The following HMCN1 variants were observed in gnomAD, a reference collection of about 807,000 sequenced individuals.
The protein encoded by HMCN1 is hemicentin 1, also known as hemicentin-1.
A neutral mutation model predicts 625.9 loss-of-function variants in HMCN1; 321 were observed. The ratio of observed to expected loss-of-function variants is 0.51; its 90% CI spans 0.47 to 0.56. The LOEUF (loss-of-function observed/expected upper bound fraction) is 0.56, where lower values mean the gene tolerates loss of function less well. HMCN1 is among the 20% of genes least tolerant of loss of function. The pLI, the probability that HMCN1 is intolerant of heterozygous loss-of-function variation, is 0.00. For synonymous variants in HMCN1, 2,425 were observed against 2,417.6 expected (o/e 1.00, Z -0.09); for missense variants, 6,588 against 6,887.3 (o/e 0.96, Z 1.54).
chr1:186,138,080 T>C (rs1156397148), intron 89 of HMCN1, 108 bp downstream of exon 89: 3 of 1,168,912 alleles, frequency 2.6e-6, no homozygotes, highest in Non-Finnish European at 3.8e-6. Context: ...TGTTATGGCC[T>C]CTACCCTTGA....
chr1:186,039,724 T>TC lies in HMCN1; in HGVS notation c.6029-3dup, dbSNP rs1656082647. 5 of 1,613,340 alleles carry TC rather than the reference T, an allele frequency of 3.1e-6. No individual in the cohort carries two copies. In the African/African-American group the frequency reaches 5.3e-5, roughly 17 times the overall value. ...CGTGTCTTACTTTCATTTGTTTTTT[T>TC]CAGTGGCCCCATCAATTTCTGGCAG... is the stretch of plus-strand genomic sequence containing the variant. On this transcript the variant is annotated splice_region_variant and splice_polypyrimidine_tract_variant and intron_variant, in intron 38 of 106. Transcript: ENST00000271588.
Position 185,734,820 on chromosome 1 carries a change from CTCT to C in HMCN1, c.46_48del (p.Leu16del), listed in dbSNP as rs1315681536. The C allele has an allele frequency of 6.2e-7, 1 of 1,614,024 alleles. No individual in the cohort carries two copies. Among genetic ancestry groups the C allele is most frequent in the Non-Finnish European group, 8.5e-7 (1 of 1,179,908 alleles). ...GTTGTCCATACAGTATTCCTGTTTG[CTCT>C]TCTTTATTCTTCCCTAGCTCAAGAT... On this transcript the variant is annotated inframe_deletion, in exon 1 of 107. Coordinates refer to ENST00000271588, the MANE Select transcript of HMCN1 (RefSeq NM_031935.3).
At chr1:186,182,619 GAGA>G (rs1233396730) in intron 105 of HMCN1, among the ~76,000 whole-genome samples, 3 of 152,174 alleles carry the variant, frequency 2.0e-5, no homozygotes, top group Admixed American at 6.5e-5. Context: ...AGTGAAAAAT[GAGA>G]AGGTTACTCA....
intron 9 of HMCN1, 112 bp downstream of exon 9, chr1:185,925,303 G>A: frequency 2.8e-6 from 3 of 1,054,562 alleles, no homozygotes; most frequent in East Asian, 5.0e-5. Flanking sequence ...TACATAGTCT[G>A]GAATATAGCA....
chr1:185,792,678 T>C (rs1021010784), intron 1 of HMCN1, among the ~76,000 whole-genome samples: 1 of 152,208 alleles, frequency 6.6e-6, no homozygotes, highest in Non-Finnish European at 1.5e-5. Context: ...GATATAGAAA[T>C]GACAGAATGG....
chr1:185,734,598 C>T lies in HMCN1; in HGVS notation c.-182C>T. ...TGCCGCATCCCTGCCCTGCCCAACC[C>T]CTGGAGGGATTCGAGTTTGGTGCTT... is the stretch of plus-strand genomic sequence containing the variant. On this transcript the variant is annotated 5_prime_UTR_variant, in exon 1 of 107. Coordinates refer to ENST00000271588, the MANE Select transcript of HMCN1 (RefSeq NM_031935.3). 1.5e-6 allele frequency: 1 copy of T among 647,898 alleles called. No homozygotes were observed. Among genetic ancestry groups the T allele is most frequent in the Non-Finnish European group, 2.7e-6 (1 of 365,392 alleles). The allele number at this position is 647,898 out of a possible 1,614,324, so 40.1% of individuals were successfully genotyped here. A position where few individuals can be genotyped will look rare whatever the true frequency, so the allele number is the denominator to read the frequency against.
chr1:185,892,278 A>T (rs1446691953), intron 4 of HMCN1, among the ~76,000 whole-genome samples: 2 of 151,104 alleles, frequency 1.3e-5, no homozygotes, highest in African/African-American at 4.9e-5. Context: ...AGCTCAGAGT[A>T]ATTTGATCAT....
chr1:185,890,654 G>C (rs1300316049), intron 4 of HMCN1, among the ~76,000 whole-genome samples: 1 of 108,262 alleles, frequency 9.2e-6, no homozygotes, highest in Non-Finnish European at 1.7e-5. Flanking sequence ...GTTCTAGTTT[G>C]ATTGCACTGT....
chr1:186,022,876 T>G (rs1654809558), intron 35 of HMCN1, among the ~76,000 whole-genome samples, 154 bp from the exon 36 acceptor site: 1 of 152,178 alleles, frequency 6.6e-6, no homozygotes, highest in South Asian at 2.1e-4. Flanking sequence ...CATGATGATG[T>G]GAACTCGCTC....
chr1:186,137,408 G>C, intron 87 of HMCN1, 90 bp from the exon 88 acceptor site: 1 of 1,369,298 alleles, frequency 7.3e-7, no homozygotes, highest in Non-Finnish European at 1.0e-6. Context: ...TATATATTTA[G>C]CTCTGTAACC....
intron 4 of HMCN1, among the ~76,000 whole-genome samples, chr1:185,868,586 C>T (rs1421781266): frequency 6.6e-6 from 1 of 152,124 alleles, no homozygotes; most frequent in Non-Finnish European, 1.5e-5. Context: ...CCCCTTCCGT[C>T]ATGATTATAA....
At chr1:185,912,113 T>C (rs977188846) in intron 6 of HMCN1, among the ~76,000 whole-genome samples, 38 of 152,312 alleles carry the variant, frequency 2.5e-4, no homozygotes, top group Admixed American at 1.8e-3. Flanking sequence ...GTTAGAGCCA[T>C]AGGCTCTGTT....
intron 9 of HMCN1, among the ~76,000 whole-genome samples, chr1:185,925,586 A>T (rs998144015): frequency 2.6e-5 from 4 of 152,172 alleles, no homozygotes; most frequent in African/African-American, 9.7e-5. Context: ...TCATGGTAAA[A>T]GTGTTTCTGA....
At chr1:186,123,419 TGA>T (rs1661493665) in intron 81 of HMCN1, among the ~76,000 whole-genome samples, 199 bp downstream of exon 81, 1 of 152,140 alleles carries the variant, frequency 6.6e-6, no homozygotes, top group Non-Finnish European at 1.5e-5. Flanking sequence ...CATAGGTGTG[TGA>T]GAGAGAAAGA....
intron 1 of HMCN1, among the ~76,000 whole-genome samples, chr1:185,752,960 A>G (rs761056898): frequency 6.6e-6 from 1 of 152,150 alleles, no homozygotes; most frequent in African/African-American, 2.4e-5. Context: ...CCAATCTAGC[A>G]ATATATAAAA....
chr1:185,826,230 A>C (rs1660502551), intron 1 of HMCN1, among the ~76,000 whole-genome samples: 2 of 152,248 alleles, frequency 1.3e-5, no homozygotes, highest in Middle Eastern at 3.2e-3. Flanking sequence ...TAAGACAAAA[A>C]TTAAAGAATT....
chr1:185,940,524 G>GA (rs1243031990), intron 11 of HMCN1, among the ~76,000 whole-genome samples: 2 of 152,084 alleles, frequency 1.3e-5, no homozygotes, highest in East Asian at 3.9e-4. Context: ...TTCATATGTA[G>GA]AAAAAAATAG....
chr1:185,969,945 A>C (rs1405105473), intron 14 of HMCN1, among the ~76,000 whole-genome samples: 1 of 152,130 alleles, frequency 6.6e-6, no homozygotes, highest in African/African-American at 2.4e-5. Flanking sequence ...AGCAGAAATA[A>C]AATTCCTCTG....
At chr1:185,857,689 A>G (rs1023450609) in intron 2 of HMCN1, among the ~76,000 whole-genome samples, 2 of 152,154 alleles carry the variant, frequency 1.3e-5, no homozygotes, top group African/African-American at 4.8e-5. Flanking sequence ...GGCTAGGCTT[A>G]AGTCAAGCTC....
Sources: allele counts gnomAD v4.1 joint callset (sites outside exome capture counted in the v4.1 genomes callset), GRCh38; gene constraint gnomAD v4.1.1; transcripts MANE v1.5; gene names NCBI Gene and HGNC (gene_info 2026-07-23, HGNC 2026-07-21).